Variants in CLVS1 observed in about 807,000 individuals in gnomAD.
CLVS1 encodes the protein clavesin 1, also known as clavesin-1.
Under a neutral mutation model 33.1 loss-of-function variants are expected in CLVS1, and 10 were observed. That is an observed-to-expected ratio of 0.30 (90% CI 0.19 to 0.51). The LOEUF (loss-of-function observed/expected upper bound fraction) is 0.51. Ranked by LOEUF, CLVS1 falls within the 20% of genes least tolerant of loss-of-function variation. The pLI is 0.97. For missense variants in CLVS1, 343 were observed against 433.4 expected (o/e 0.79, Z 1.85); for synonymous variants, 163 against 166.1 (o/e 0.98, Z 0.14).
chr8:61,193,403 A>G (rs1328548324), intron 2 of CLVS1, among the ~76,000 whole-genome samples: 2 of 152,118 alleles, frequency 1.3e-5, no homozygotes, highest in Admixed American at 1.3e-4. Context: ...TAGCATTAGG[A>G]GATATACCTA....
At chr8:61,017,800 C>T in the CLVS1 span, among the ~76,000 whole-genome samples, 1 of 152,176 alleles carries the variant, frequency 6.6e-6, no homozygotes, top group South Asian at 2.1e-4. Context: ...CTCCTCTGGG[C>T]CCCACTACTG....
chr8:61,385,098 C>G (rs1186501341), intron 3 of CLVS1, among the ~76,000 whole-genome samples: 1 of 152,114 alleles, frequency 6.6e-6, no homozygotes, highest in Non-Finnish European at 1.5e-5. Context: ...GGAAAGGGAG[C>G]AGGAGCATGG....
intron 3 of CLVS1, among the ~76,000 whole-genome samples, chr8:61,435,708 C>T (rs547163613): frequency 6.6e-6 from 1 of 151,088 alleles, no homozygotes; most frequent in East Asian, 1.9e-4. Flanking sequence ...CAATTCAGAG[C>T]AACACTGTGA....
At chr8:61,389,486 T>C (rs1814215997) in intron 3 of CLVS1, among the ~76,000 whole-genome samples, 1 of 151,308 alleles carries the variant, frequency 6.6e-6, no homozygotes, top group South Asian at 2.1e-4. Context: ...GAGGTTGCAG[T>C]GAGCCAAGAC....
intron 2 of CLVS1, among the ~76,000 whole-genome samples, chr8:61,159,148 A>T (rs1806707028): frequency 6.6e-6 from 1 of 152,168 alleles, no homozygotes; most frequent in Admixed American, 6.5e-5. Context: ...GCTGGGATTG[A>T]TTACAGCGAT....
At chr8:60,975,411 T>A in the CLVS1 span, among the ~76,000 whole-genome samples, 1 of 152,166 alleles carries the variant, frequency 6.6e-6, no homozygotes, top group Non-Finnish European at 1.5e-5. Flanking sequence ...ATCTTGGTTT[T>A]AGGGTGGGTC....
chr8:60,994,860 A>G, the CLVS1 span, among the ~76,000 whole-genome samples: 2 of 152,134 alleles, frequency 1.3e-5, no homozygotes, highest in Non-Finnish European at 2.9e-5. Context: ...ATAACGCTGC[A>G]TATCTACAAC....
chr8:61,461,382 T>TG (rs1228792962), intron 5 of CLVS1, among the ~76,000 whole-genome samples: 1 of 152,258 alleles, frequency 6.6e-6, no homozygotes, highest in Non-Finnish European at 1.5e-5. Flanking sequence ...GAACTCATGT[T>TG]GCTCTGATAG....
the CLVS1 span, among the ~76,000 whole-genome samples, chr8:61,030,153 G>C: frequency 6.6e-6 from 1 of 152,242 alleles, no homozygotes; most frequent in African/African-American, 2.4e-5. Flanking sequence ...CACTGGTAAG[G>C]CTCTGGGAAT....
intron 2 of CLVS1, among the ~76,000 whole-genome samples, chr8:61,352,828 C>T (rs1778058803): frequency 6.6e-6 from 1 of 151,640 alleles, no homozygotes; most frequent in African/African-American, 2.4e-5. Context: ...ATAAAAACAC[C>T]AACACGGCAT....
intron 2 of CLVS1, among the ~76,000 whole-genome samples, chr8:61,345,422 T>C (rs1487751129): frequency 6.6e-6 from 1 of 152,174 alleles, no homozygotes; most frequent in Non-Finnish European, 1.5e-5. Flanking sequence ...AGTAGGACGC[T>C]CTGATAGGCT....
chr8:61,455,139 C>T (rs956286983), intron 4 of CLVS1, among the ~76,000 whole-genome samples: 5 of 151,454 alleles, frequency 3.3e-5, no homozygotes, highest in African/African-American at 1.2e-4. Flanking sequence ...TTACCACAAT[C>T]AAGCTATTAA....
At chr8:61,064,392 A>G (rs1339441770) in intron 1 of CLVS1, among the ~76,000 whole-genome samples, 1 of 152,166 alleles carries the variant, frequency 6.6e-6, no homozygotes, top group African/African-American at 2.4e-5. Context: ...TTTTGATTCT[A>G]GTTGCCCTGG....
At chr8:61,344,699 C>T (rs1348927705) in intron 2 of CLVS1, among the ~76,000 whole-genome samples, 1 of 152,148 alleles carries the variant, frequency 6.6e-6, no homozygotes, top group Non-Finnish European at 1.5e-5. Flanking sequence ...TTCATAAGTA[C>T]ATGAATAAAT....
intron 3 of CLVS1, among the ~76,000 whole-genome samples, chr8:61,383,790 T>C (rs75845572): frequency 6.6e-6 from 1 of 152,308 alleles, no homozygotes; most frequent in African/African-American, 2.4e-5. Flanking sequence ...TAAATGGTGT[T>C]TTCAGACTCC....
intron 3 of CLVS1, among the ~76,000 whole-genome samples, chr8:61,415,699 G>T (rs1300084762): frequency 1.3e-5 from 2 of 152,056 alleles, no homozygotes; most frequent in African/African-American, 4.8e-5. Context: ...CATGCTGTTT[G>T]CTTTCACACA....
chr8:61,362,431 C>T (rs542506360), intron 2 of CLVS1, among the ~76,000 whole-genome samples: 1 of 152,264 alleles, frequency 6.6e-6, no homozygotes, highest in East Asian at 1.9e-4. Context: ...GAACCTTGTA[C>T]CCACTGTACA....
At chr8:61,193,584 C>T (rs1341637507) in intron 2 of CLVS1, among the ~76,000 whole-genome samples, 1 of 151,902 alleles carries the variant, frequency 6.6e-6, no homozygotes, top group Non-Finnish European at 1.5e-5. Context: ...CAACAAAAGT[C>T]AGAAGACGAG....
chr8:61,347,951 C>T (rs957461592), intron 2 of CLVS1, among the ~76,000 whole-genome samples: 1 of 151,656 alleles, frequency 6.6e-6, no homozygotes, highest in African/African-American at 2.4e-5. Flanking sequence ...CATTGCCTCA[C>T]CTACTTGTCT....
Sources: allele counts gnomAD v4.1 joint callset (sites outside exome capture counted in the v4.1 genomes callset), GRCh38; gene constraint gnomAD v4.1.1; transcripts MANE v1.5; gene names NCBI Gene and HGNC (gene_info 2026-07-23, HGNC 2026-07-21).